The following VANGL1 variants were observed in gnomAD, a reference collection of about 807,000 sequenced individuals.
VANGL1 encodes vang-like protein 1.
Under a neutral mutation model 48.4 loss-of-function variants are expected in VANGL1, and 18 were observed. The ratio of observed to expected loss-of-function variants is 0.37; its 90% CI spans 0.26 to 0.55. VANGL1 has a LOEUF of 0.55. VANGL1 is among the 20% of genes least tolerant of loss of function. The pLI is 0.81. For missense variants in VANGL1, 667 were observed against 675.8 expected (o/e 0.99, Z 0.14); for synonymous variants, 257 against 261.8 (o/e 0.98, Z 0.18).
chr1:115,673,952 C>T (rs1305762901), intron 4 of VANGL1, among the ~76,000 whole-genome samples: 3 of 152,146 alleles, frequency 2.0e-5, no homozygotes, highest in Non-Finnish European at 4.4e-5. Context: ...CTAAACATAA[C>T]ATCTGCAAAG....
intron 7 of VANGL1, among the ~76,000 whole-genome samples, chr1:115,686,390 A>AAG (rs1553190015): frequency 1.3e-5 from 2 of 150,058 alleles, no homozygotes; most frequent in Non-Finnish European, 3.0e-5. Context: ...AAAAAAAAAA[A>AAG]TGCCATCAGG....
intron 7 of VANGL1, among the ~76,000 whole-genome samples, chr1:115,687,192 A>G (rs1653665440): frequency 7.2e-6 from 1 of 139,270 alleles, no homozygotes; most frequent in Non-Finnish European, 1.6e-5. Flanking sequence ...ACACATGAAT[A>G]TACACAAAGG....
At chr1:115,667,252 A>G (rs1652827690) in intron 4 of VANGL1, among the ~76,000 whole-genome samples, 1 of 152,296 alleles carries the variant, frequency 6.6e-6, no homozygotes, top group Middle Eastern at 3.4e-3. Flanking sequence ...TGTCTAAAGA[A>G]TGTCTACTCT....
chr1:115,670,764 C>T (rs1218193300), intron 4 of VANGL1, among the ~76,000 whole-genome samples: 2 of 152,208 alleles, frequency 1.3e-5, no homozygotes, highest in African/African-American at 4.8e-5. Context: ...TATACCATCT[C>T]ATTTTTAGAA....
chr1:115,677,662 A>C (rs75862479), intron 4 of VANGL1, among the ~76,000 whole-genome samples: 10,113 of 152,202 alleles, frequency 0.066, 373 homozygotes, highest in East Asian at 0.14. Flanking sequence ...GTGACTAGGC[A>C]GGTATGTTGG....
intron 5 of VANGL1, 74 bp from the exon 6 acceptor site, chr1:115,683,870 T>G: frequency 6.3e-7 from 1 of 1,577,302 alleles, no homozygotes. Flanking sequence ...ACTGACAGAT[T>G]GGGTACTAGT....
In VANGL1 at chr1:115,643,904, G is replaced by C. The variant is rs144071183; in HGVS notation, c.-138+1818G>C. ...TAGGCCTTATCAGCTATTTTGGTGG[G>C]ATGGGCCCTTGTCACATTGTGTTTT... On this transcript the variant is annotated intron_variant, in intron 1 of 7. Transcript: ENST00000355485. Among the ~76,000 whole-genome samples the C allele has an allele frequency of 5.1e-4, 77 of 152,254 alleles. 1 individual carries two copies. In the East Asian group the frequency reaches 0.013, roughly 27 times the overall value.
rs930592412 is a variant in VANGL1, at chr1:115,696,666, G to A, written c.*5287G>A. 18 of 152,280 alleles carry A rather than the reference G, an allele frequency of 1.2e-4. No homozygotes were observed. Among genetic ancestry groups the A allele is most frequent in the African/African-American group, 3.8e-4 (16 of 41,572 alleles). 9.4% of individuals were successfully genotyped at this position (152,280 alleles called of 1,614,324 possible). A position where few individuals can be genotyped will look rare whatever the true frequency, so the allele number is the denominator to read the frequency against. On this transcript the variant is annotated 3_prime_UTR_variant, in exon 8 of 8. Coordinates refer to ENST00000355485, the MANE Select transcript of VANGL1 (RefSeq NM_138959.3). ...GTCCCGTTTTCCCAGGTCCTGTTCCGTTTCTACGTAGATAACCCAATTTGT... is the reference window on the plus strand; with the variant it reads ...GTCCCGTTTTCCCAGGTCCTGTTCCATTTCTACGTAGATAACCCAATTTGT...
intron 2 of VANGL1, 73 bp downstream of exon 2, chr1:115,651,557 C>A: frequency 7.5e-7 from 1 of 1,325,658 alleles, no homozygotes; most frequent in Non-Finnish European, 1.1e-6. Context: ...TCTACACTCA[C>A]TTTTCAGTGA....
At position 115,695,805 on chromosome 1, in the gene VANGL1, T is replaced by A. The variant is rs996637986; in HGVS notation, c.*4426T>A. On this transcript the variant is annotated 3_prime_UTR_variant, in exon 8 of 8. Coordinates refer to ENST00000355485, the MANE Select transcript of VANGL1 (RefSeq NM_138959.3). ...GGTTAACAGAATTTCAAACTAGATG[T>A]TTGATTCTAACCCCTCAGTCCACTG... The A allele has an allele frequency of 6.6e-6, 1 of 152,160 alleles. No homozygotes were observed. Among genetic ancestry groups the A allele is most frequent in the African/African-American group, 2.4e-5 (1 of 41,434 alleles). The allele number at this position is 152,160 out of a possible 1,614,324, so 9.4% of individuals were successfully genotyped here.
intron 4 of VANGL1, among the ~76,000 whole-genome samples, chr1:115,668,220 C>T (rs1299412653): frequency 1.3e-5 from 2 of 152,336 alleles, no homozygotes; most frequent in East Asian, 3.9e-4. Flanking sequence ...TAGATAGTTG[C>T]ATGTTCACGT....
At chr1:115,654,473 G>GT (rs2101313598) in intron 2 of VANGL1, among the ~76,000 whole-genome samples, 1 of 131,616 alleles carries the variant, frequency 7.6e-6, no homozygotes, top group South Asian at 2.6e-4. Flanking sequence ...GGGAAGCCTG[G>GT]TATTGACAAG....
chr1:115,644,879 T>A (rs552906476), intron 1 of VANGL1, among the ~76,000 whole-genome samples: 5 of 152,124 alleles, frequency 3.3e-5, no homozygotes, highest in Non-Finnish European at 5.9e-5. Context: ...TTGAAATCAT[T>A]GGCGAAACAA....
At chr1:115,686,215 G>C (rs966469440) in intron 7 of VANGL1, among the ~76,000 whole-genome samples, 6 of 151,998 alleles carry the variant, frequency 3.9e-5, no homozygotes, top group African/African-American at 1.4e-4. Flanking sequence ...TTCATGTGAA[G>C]TGCTTGAAAC....
Position 115,684,045 on chromosome 1 carries a change from C to T in VANGL1, c.1048C>T (p.His350Tyr). Residue 350 changes from histidine to tyrosine, a missense_variant, in exon 6 of 8, where the codon CAT (histidine) becomes TAT (tyrosine). Transcript: ENST00000355485. ...CGAGTTGTATTATGAAGAGGCCGAACATGAACGGCGAGTAAAGAAGCGGAA... is the reference window on the plus strand; with the variant it reads ...CGAGTTGTATTATGAAGAGGCCGAATATGAACGGCGAGTAAAGAAGCGGAA... ...HNELYYEEAEHERRVKKRKAR... is the reference protein window; with the variant it reads ...HNELYYEEAEYERRVKKRKAR... The T allele has an allele frequency of 1.2e-6, 2 of 1,614,080 alleles. No individual in the cohort carries two copies. Among genetic ancestry groups the T allele is most frequent in the Non-Finnish European group, 1.7e-6 (2 of 1,179,958 alleles).
At chr1:115,681,974 C>T (rs1282150230) in intron 4 of VANGL1, among the ~76,000 whole-genome samples, 1 of 152,254 alleles carries the variant, frequency 6.6e-6, no homozygotes, top group Non-Finnish European at 1.5e-5. Flanking sequence ...CACTCATTAG[C>T]TCTGCAACCA....
chr1:115,673,482 TC>T (rs1653055313), intron 4 of VANGL1, among the ~76,000 whole-genome samples: 2 of 152,070 alleles, frequency 1.3e-5, no homozygotes, highest in Non-Finnish European at 2.9e-5. Flanking sequence ...CCTTGCCTCT[TC>T]CTAGTTTCTG....
At position 115,656,989 on chromosome 1, in the gene VANGL1, G is replaced by C. The variant is rs978351795; in HGVS notation, c.72-2652G>C. On this transcript the variant is annotated intron_variant, in intron 2 of 7. Transcript: ENST00000355485. ...GCTGGGGAAAATGGAAACGGATTAA[G>C]ATAGAAGAGGGGCATTGTCCATCTG... is the stretch of plus-strand genomic sequence containing the variant. Among the ~76,000 whole-genome samples, 3 of 152,222 alleles carry C rather than the reference G, an allele frequency of 2.0e-5. 1 individual carries two copies. In the South Asian group the frequency reaches 6.2e-4, roughly 31 times the overall value.
intron 4 of VANGL1, among the ~76,000 whole-genome samples, chr1:115,669,114 T>C (rs1652888019): frequency 1.3e-5 from 2 of 152,106 alleles, no homozygotes; most frequent in Admixed American, 1.3e-4. Context: ...CCAGAAGTAA[T>C]ATATTTTGAG....
Sources: gnomAD v4.1 joint callset for allele counts (sites outside exome capture counted in the v4.1 genomes callset) on GRCh38, gnomAD v4.1.1 for gene constraint, MANE v1.5 for transcripts, NCBI Gene and HGNC (gene_info 2026-07-23, HGNC 2026-07-21) for gene names.